The following BCKDHB variants were observed in gnomAD, a reference collection of about 807,000 sequenced individuals.
BCKDHB encodes the protein 2-oxoisovalerate dehydrogenase subunit beta, mitochondrial.
Under a neutral mutation model 48.5 loss-of-function variants are expected in BCKDHB, and 41 were observed. The observed-to-expected ratio is 0.85, with a 90% CI of 0.66 to 1.10. The LOEUF is 1.10. Among genes scored for constraint, BCKDHB ranks in the 50% least tolerant of loss-of-function variants. The probability of loss-of-function intolerance (pLI) is 0.00; values close to 1 mark genes in which losing one functional copy is unlikely to be tolerated. For synonymous variants in BCKDHB, 201 were observed against 174.8 expected, an observed-to-expected ratio of 1.15 and a Z score of -1.18; for missense variants, 496 against 494.2, an observed-to-expected ratio of 1.00 and a Z score of -0.03.
intron 9 of BCKDHB, among the ~76,000 whole-genome samples, chr6:80,334,605 G>C (rs889941065): frequency 6.6e-6 from 1 of 150,476 alleles, no homozygotes; most frequent in African/African-American, 2.4e-5. Context: ...AGCTTTAAAG[G>C]CTGTGTTGCT....
At position 80,115,884 on chromosome 6, in the gene BCKDHB, C is replaced by G. The variant is rs185271870; in HGVS notation, c.196+8995C>G. The stretch of plus-strand genomic sequence containing the variant: ...ATCTCCTGACCTCATGATCCACCCC[C>G]CTCGGCCTCCCAATGCTGGAGTTTC... On this transcript the variant is annotated intron_variant, in intron 1 of 9. Transcript: ENST00000320393. Among the ~76,000 whole-genome samples, 256 of 147,000 alleles carry G rather than the reference C, an allele frequency of 1.7e-3. 1 individual carries two copies. The highest frequency in any genetic ancestry group is 6.2e-3 in the African/African-American group (243 of 39,396).
intron 1 of BCKDHB, among the ~76,000 whole-genome samples, chr6:80,122,861 C>T (rs890501084): frequency 3.9e-5 from 6 of 152,050 alleles, no homozygotes; most frequent in African/African-American, 2.4e-5. Flanking sequence ...TTTTTCCCCA[C>T]CCTAATAAGC....
chr6:80,216,240 A>G (rs887055135), intron 8 of BCKDHB, among the ~76,000 whole-genome samples: 2 of 152,150 alleles, frequency 1.3e-5, no homozygotes, highest in African/African-American at 4.8e-5. Flanking sequence ...ACTGGCTTCA[A>G]CCCAGGTTGC....
At chr6:80,365,216 A>G in the BCKDHB span, among the ~76,000 whole-genome samples, 2 of 152,224 alleles carry the variant, frequency 1.3e-5, no homozygotes, top group Non-Finnish European at 2.9e-5. Context: ...ATAAGGGTCT[A>G]TGTTCAGTGG....
chr6:80,273,635 G>A (rs904256778), intron 9 of BCKDHB, among the ~76,000 whole-genome samples: 1 of 151,970 alleles, frequency 6.6e-6, no homozygotes, highest in South Asian at 2.1e-4. Flanking sequence ...GATTTTCACA[G>A]CATTCACGTT....
At chr6:80,381,472 G>A in the BCKDHB span, among the ~76,000 whole-genome samples, 1 of 152,084 alleles carries the variant, frequency 6.6e-6, no homozygotes, top group East Asian at 1.9e-4. Context: ...TTATTTAACA[G>A]TGACACAGTT....
intron 8 of BCKDHB, among the ~76,000 whole-genome samples, chr6:80,246,275 G>A (rs928960389): frequency 4.3e-4 from 65 of 152,172 alleles, no homozygotes; most frequent in African/African-American, 1.4e-3. Flanking sequence ...AGCATTGAGA[G>A]AAGGAAGGTG....
At chr6:80,121,010 T>C (rs1350310911) in intron 1 of BCKDHB, among the ~76,000 whole-genome samples, 1 of 152,196 alleles carries the variant, frequency 6.6e-6, no homozygotes, top group African/African-American at 2.4e-5. Flanking sequence ...AACATTTAAG[T>C]CTTTAATCCA....
Position 80,333,490 on chromosome 6 carries a change from AT to A in BCKDHB, c.1039-10166del, listed in dbSNP as rs1417447676. ...TTAAAACAGGCATATGGGCAAATACATTTTTTTTCTATATGCCTCCATGTTG... is the reference window on the plus strand; with the variant it reads ...TTAAAACAGGCATATGGGCAAATACATTTTTTTCTATATGCCTCCATGTTG... On this transcript the variant is annotated intron_variant, in intron 9 of 9. Transcript: ENST00000320393. 3.9e-5 allele frequency among the ~76,000 whole-genome samples: 6 copies of A among 151,916 alleles called. No homozygotes were observed. In the East Asian group the frequency reaches 9.6e-4, roughly 24 times the overall value.
the BCKDHB span, among the ~76,000 whole-genome samples, chr6:80,378,571 C>G: frequency 6.6e-6 from 1 of 152,054 alleles, no homozygotes; most frequent in Non-Finnish European, 1.5e-5. Context: ...CATGACTTTG[C>G]TATTGTGAAT....
At chr6:80,321,735 G>A (rs1483595321) in intron 9 of BCKDHB, among the ~76,000 whole-genome samples, 1 of 152,128 alleles carries the variant, frequency 6.6e-6, no homozygotes, top group Non-Finnish European at 1.5e-5. Flanking sequence ...GGAAACTAAT[G>A]TCTAATATCC....
At chr6:80,322,484 G>A (rs1049169787) in intron 9 of BCKDHB, among the ~76,000 whole-genome samples, 2 of 151,930 alleles carry the variant, frequency 1.3e-5, no homozygotes, top group Non-Finnish European at 2.9e-5. Flanking sequence ...TGATCCACCC[G>A]CCTCGGCCTC....
intron 1 of BCKDHB, among the ~76,000 whole-genome samples, chr6:80,107,176 A>G (rs1769119133): frequency 6.6e-6 from 1 of 151,756 alleles, no homozygotes; most frequent in African/African-American, 2.4e-5. Flanking sequence ...GGTGGTGCCC[A>G]GGGAACGCCT....
chr6:80,178,687 CATT>C (rs1773277203), intron 6 of BCKDHB, among the ~76,000 whole-genome samples: 1 of 152,242 alleles, frequency 6.6e-6, no homozygotes, highest in South Asian at 2.1e-4. Flanking sequence ...TAAATTCTGT[CATT>C]ATTGCCATTT....
chr6:80,148,253 T>C (rs1006214264), intron 3 of BCKDHB, among the ~76,000 whole-genome samples: 1 of 152,226 alleles, frequency 6.6e-6, no homozygotes, highest in African/African-American at 2.4e-5. Context: ...CACCTTTTGC[T>C]TAAAAGTGGT....
chr6:80,456,535 C>T, the BCKDHB span, among the ~76,000 whole-genome samples: 3 of 152,220 alleles, frequency 2.0e-5, no homozygotes, highest in South Asian at 2.1e-4. Flanking sequence ...CACTCCTTTC[C>T]GCTTCTCCAT....
intron 6 of BCKDHB, among the ~76,000 whole-genome samples, chr6:80,181,300 A>G (rs1197935452): frequency 6.6e-6 from 1 of 152,212 alleles, no homozygotes; most frequent in African/African-American, 2.4e-5. Flanking sequence ...ATTTTGTTGT[A>G]CACAATATTA....
chr6:80,412,355 C>T, the BCKDHB span, among the ~76,000 whole-genome samples: 1 of 151,968 alleles, frequency 6.6e-6, no homozygotes, highest in Non-Finnish European at 1.5e-5. Context: ...CCATGTTGGC[C>T]AGTCTGGTCT....
At chr6:80,122,539 CG>C (rs1326242852) in intron 1 of BCKDHB, among the ~76,000 whole-genome samples, 1 of 152,130 alleles carries the variant, frequency 6.6e-6, no homozygotes, top group African/African-American at 2.4e-5. Flanking sequence ...GCTGGGCCGC[CG>C]GGGGTGACAT....
Sources: gnomAD v4.1 joint callset for allele counts (sites outside exome capture counted in the v4.1 genomes callset) on GRCh38, gnomAD v4.1.1 for gene constraint, MANE v1.5 for transcripts, NCBI Gene and HGNC (gene_info 2026-07-23, HGNC 2026-07-21) for gene names.